RNF169: variants seen among roughly 807,000 people sequenced by gnomAD.
RNF169 encodes ring finger protein 169.
In RNF169, 24 loss-of-function variants were observed where a neutral mutation model predicts 53.9. The observed-to-expected ratio is 0.45, with a 90% CI of 0.32 to 0.63. The LOEUF (loss-of-function observed/expected upper bound fraction) is 0.63. RNF169 is among the 20% of genes least tolerant of loss of function. RNF169 has a pLI of 0.04. For missense variants in RNF169, 883 were observed against 906.2 expected (o/e 0.97, Z 0.33); for synonymous variants, 396 against 363.5 (o/e 1.09, Z -1.02).
chr11:74,758,223 C>T lies in RNF169; in HGVS notation c.502+8841C>T, dbSNP rs1473263373. On this transcript the variant is annotated intron_variant, in intron 1 of 5. Coordinates refer to ENST00000299563, the MANE Select transcript of RNF169 (RefSeq NM_001098638.2). ...GTTTCAGCTTTCTACATATGGCTAGCCAGTTTTCCCAGCACCATTTATTAA... is the reference window on the plus strand; with the variant it reads ...GTTTCAGCTTTCTACATATGGCTAGTCAGTTTTCCCAGCACCATTTATTAA... Among the ~76,000 whole-genome samples, 823 of 125,744 alleles carry T rather than the reference C, an allele frequency of 6.5e-3. 20 individuals are homozygous for T. The highest frequency in any genetic ancestry group is 0.025 in the African/African-American group (769 of 30,284). 82.5% of individuals were successfully genotyped at this position (125,744 alleles called of 152,430 possible). A position where few individuals can be genotyped will look rare whatever the true frequency, so the allele number is the denominator to read the frequency against.
At chr11:74,826,931 G>T (rs1360683607) in intron 4 of RNF169, among the ~76,000 whole-genome samples, 1 of 152,130 alleles carries the variant, frequency 6.6e-6, no homozygotes, top group Non-Finnish European at 1.5e-5. Flanking sequence ...GAGTGTCTAT[G>T]GCTTTTTTAG....
At chr11:74,788,454 A>G (rs2035536760) in intron 1 of RNF169, among the ~76,000 whole-genome samples, 1 of 152,104 alleles carries the variant, frequency 6.6e-6, no homozygotes, top group Non-Finnish European at 1.5e-5. Context: ...GTACAGTGGC[A>G]TGATCTCGAC....
chr11:74,826,712 C>A (rs2036102788), intron 4 of RNF169, among the ~76,000 whole-genome samples: 1 of 152,204 alleles, frequency 6.6e-6, no homozygotes, highest in Non-Finnish European at 1.5e-5. Flanking sequence ...GAGAAATTGG[C>A]CAAAATGAAG....
intron 2 of RNF169, among the ~76,000 whole-genome samples, chr11:74,795,224 T>C (rs1227813485): frequency 6.7e-6 from 1 of 149,236 alleles, no homozygotes. Flanking sequence ...ATACTCTTTT[T>C]TTTTTTTTTT....
chr11:74,804,193 G>A (rs190160143), intron 2 of RNF169, among the ~76,000 whole-genome samples: 1 of 152,248 alleles, frequency 6.6e-6, no homozygotes, highest in East Asian at 1.9e-4. Flanking sequence ...CTGAGTGAGT[G>A]GGTATGTGTG....
intron 2 of RNF169, among the ~76,000 whole-genome samples, chr11:74,794,512 A>T (rs2035620422): frequency 6.6e-6 from 1 of 152,238 alleles, no homozygotes; most frequent in South Asian, 2.1e-4. Context: ...GGTGGTCTCA[A>T]TATAAAAGGC....
rs546534754 is a variant in RNF169 at position 74,780,132 on chromosome 11, A to G, written c.503-9494A>G. Among the ~76,000 whole-genome samples, 23 of 152,250 alleles carry G rather than the reference A, an allele frequency of 1.5e-4. No individual in the cohort carries two copies. The South Asian group carries it at 4.8e-3, about 32-fold the overall frequency. On this transcript the variant is annotated intron_variant, in intron 1 of 5. Transcript: ENST00000299563. ...TTGCAGTACTTAGGTATTTAGTTTT[A>G]TAACTCTTTTGACATTCTATAGTTG... is the stretch of plus-strand genomic sequence containing the variant.
At chr11:74,807,325 G>A (rs2035820086) in intron 2 of RNF169, among the ~76,000 whole-genome samples, 1 of 152,000 alleles carries the variant, frequency 6.6e-6, no homozygotes, top group South Asian at 2.1e-4. Flanking sequence ...ACCTCAGACT[G>A]TCAGTCTTGA....
At chr11:74,813,005 C>T (rs2035895047) in intron 3 of RNF169, among the ~76,000 whole-genome samples, 2 of 152,190 alleles carry the variant, frequency 1.3e-5, no homozygotes, top group African/African-American at 4.8e-5. Context: ...CAATTTTCAT[C>T]TCATTGAAAT....
intron 1 of RNF169, among the ~76,000 whole-genome samples, chr11:74,785,187 A>T (rs1276408028): frequency 1.2e-5 from 1 of 82,646 alleles, no homozygotes; most frequent in African/African-American, 1.1e-4. Context: ...TATATATATG[A>T]TATATATATG....
intron 1 of RNF169, among the ~76,000 whole-genome samples, chr11:74,768,630 A>G (rs1415966852): frequency 6.6e-6 from 1 of 152,144 alleles, no homozygotes; most frequent in East Asian, 1.9e-4. Flanking sequence ...AAAGGTTGTA[A>G]ATGGATTAAA....
intron 2 of RNF169, among the ~76,000 whole-genome samples, chr11:74,809,231 C>G (rs2135115809): frequency 6.6e-6 from 1 of 151,936 alleles, no homozygotes; most frequent in Non-Finnish European, 1.5e-5. Flanking sequence ...CCTATAATTG[C>G]TTTGATATAC....
chr11:74,813,907 G>C (rs1290492561), intron 3 of RNF169, among the ~76,000 whole-genome samples: 2 of 152,030 alleles, frequency 1.3e-5, no homozygotes, highest in Admixed American at 6.5e-5. Context: ...AGCCAGGATG[G>C]TCTCGATCTC....
chr11:74,753,915 A>G (rs894553648), intron 1 of RNF169, among the ~76,000 whole-genome samples: 4 of 152,136 alleles, frequency 2.6e-5, no homozygotes, highest in Admixed American at 2.6e-4. Context: ...TCTTTTATGC[A>G]TTCACGGTTT....
At chr11:74,750,563 CTA>C (rs539771831) in intron 1 of RNF169, among the ~76,000 whole-genome samples, 33 of 107,244 alleles carry the variant, frequency 3.1e-4, no homozygotes, top group African/African-American at 1.0e-3. Flanking sequence ...ATCTTACTTT[CTA>C]TGTTCCTTGT....
chr11:74,780,893 C>T (rs1184303527), intron 1 of RNF169, among the ~76,000 whole-genome samples: 1 of 152,164 alleles, frequency 6.6e-6, no homozygotes, highest in South Asian at 2.1e-4. Flanking sequence ...ACTGAGGATA[C>T]AAAAATTGTA....
At chr11:74,815,510 C>T (rs757127951) in intron 3 of RNF169, among the ~76,000 whole-genome samples, 3 of 151,896 alleles carry the variant, frequency 2.0e-5, no homozygotes, top group African/African-American at 4.8e-5. Context: ...GTGCCGGGAT[C>T]GTGCCACTGT....
At chr11:74,819,655 G>GGA (rs2035983727) in intron 4 of RNF169, among the ~76,000 whole-genome samples, 1 of 152,184 alleles carries the variant, frequency 6.6e-6, no homozygotes, top group Non-Finnish European at 1.5e-5. Flanking sequence ...CCTCTAGGAG[G>GGA]GAGGGCTCTA....
intron 2 of RNF169, among the ~76,000 whole-genome samples, chr11:74,805,554 A>T (rs1025345508): frequency 1.3e-5 from 2 of 152,228 alleles, no homozygotes; most frequent in Non-Finnish European, 2.9e-5. Context: ...TAAAAAATGA[A>T]TTCTAAGTAG....
Sources: gnomAD v4.1 joint callset for allele counts (sites outside exome capture counted in the v4.1 genomes callset) on GRCh38, gnomAD v4.1.1 for gene constraint, MANE v1.5 for transcripts, NCBI Gene and HGNC (gene_info 2026-07-23, HGNC 2026-07-21) for gene names.